Variants in GOSR1 observed in about 807,000 individuals in gnomAD.
GOSR1 encodes golgi SNAP receptor complex member 1.
Under a neutral mutation model 35.5 loss-of-function variants are expected in GOSR1, and 21 were observed. The observed-to-expected ratio is 0.59, with a 90% CI of 0.42 to 0.85. The LOEUF is 0.85. Among genes scored for constraint, GOSR1 ranks in the 40% least tolerant of loss-of-function variants. The probability of loss-of-function intolerance (pLI) is 0.00; values close to 1 mark genes in which losing one functional copy is unlikely to be tolerated. For missense variants in GOSR1, 285 were observed against 309.6 expected, an observed-to-expected ratio of 0.92 and a Z score of 0.60; for synonymous variants, 94 against 106.6, an observed-to-expected ratio of 0.88 and a Z score of 0.73.
chr17:30,520,704 G>A (rs1052250173), intron 8 of GOSR1, among the ~76,000 whole-genome samples: 9 of 152,192 alleles, frequency 5.9e-5, no homozygotes, highest in African/African-American at 2.2e-4. Flanking sequence ...GCCAAAGGGG[G>A]AGGAACCTAG....
intron 6 of GOSR1, among the ~76,000 whole-genome samples, chr17:30,506,664 C>T (rs994147653): frequency 6.6e-6 from 1 of 152,206 alleles, no homozygotes. Flanking sequence ...ATAAAGGTGG[C>T]TCCACTAAGC....
At chr17:30,482,683 A>G (rs547498489) in intron 2 of GOSR1, among the ~76,000 whole-genome samples, 3 of 152,176 alleles carry the variant, frequency 2.0e-5, no homozygotes, top group Non-Finnish European at 4.4e-5. Flanking sequence ...CTATAGCCAA[A>G]TTACTATTTC....
intron 5 of GOSR1, among the ~76,000 whole-genome samples, chr17:30,491,200 C>T (rs1915019611): frequency 6.6e-6 from 1 of 152,116 alleles, no homozygotes; most frequent in African/African-American, 2.4e-5. Context: ...AGGGGATGGT[C>T]TTTAATGTAT....
Position 30,522,401 on chromosome 17 carries a change from G to C in GOSR1, c.*23G>C. The C allele has an allele frequency of 6.5e-7, 1 of 1,533,572 alleles. No homozygotes were observed. The highest frequency in any genetic ancestry group is 8.8e-7 in the Non-Finnish European group (1 of 1,135,802). 95.0% of individuals were successfully genotyped at this position (1,533,572 alleles called of 1,614,324 possible). The stretch of plus-strand genomic sequence containing the variant: ...TGATGGGACATCTTCAGGGACTCTT[G>C]ACAGCCACCGCTTTCACACCCTGGT... On this transcript the variant is annotated 3_prime_UTR_variant, in exon 9 of 9. Coordinates refer to ENST00000451249, the MANE Select transcript of GOSR1 (RefSeq NM_001007025.2).
In GOSR1 at chr17:30,522,405, G is replaced by A. The variant is rs138729753; in HGVS notation, c.*27G>A. On this transcript the variant is annotated 3_prime_UTR_variant, in exon 9 of 9. Transcript: ENST00000451249. ...GGGACATCTTCAGGGACTCTTGACA[G>A]CCACCGCTTTCACACCCTGGTCTGG... 4.3e-4 allele frequency: 656 copies of A among 1,528,762 alleles called. 3 individuals are homozygous for A. In the African/African-American group the frequency reaches 8.4e-3, roughly 19 times the overall value. 94.7% of individuals were successfully genotyped at this position (1,528,762 alleles called of 1,614,324 possible). A position where few individuals can be genotyped will look rare whatever the true frequency, so the allele number is the denominator to read the frequency against.
chr17:30,511,100 A>C (rs1000705617), intron 7 of GOSR1, among the ~76,000 whole-genome samples, 191 bp downstream of exon 7: 1 of 152,234 alleles, frequency 6.6e-6, no homozygotes, highest in Non-Finnish European at 1.5e-5. Flanking sequence ...CACCCAAAGT[A>C]ACATTTCCAT....
At chr17:30,483,047 T>C (rs1914451668) in intron 2 of GOSR1, 1 of 152,190 alleles carries the variant, frequency 6.6e-6, no homozygotes, top group Non-Finnish European at 1.5e-5. Context: ...GTGTCTTGTT[T>C]GATGCCCAGG....
At chr17:30,486,718 A>T (rs929107872) in intron 4 of GOSR1, among the ~76,000 whole-genome samples, 2 of 152,220 alleles carry the variant, frequency 1.3e-5, no homozygotes, top group Admixed American at 1.3e-4. Flanking sequence ...GAAATAAATG[A>T]TAACCTGTTA....
At chr17:30,485,210 A>C in intron 4 of GOSR1, 1 of 197,982 alleles carries the variant, frequency 5.1e-6, no homozygotes, top group South Asian at 8.2e-5. Context: ...AAACTAAATA[A>C]ACTTTTAAAG....
chr17:30,511,780 C>T (rs1234120692), intron 7 of GOSR1, among the ~76,000 whole-genome samples: 1 of 152,162 alleles, frequency 6.6e-6, no homozygotes, highest in Non-Finnish European at 1.5e-5. Context: ...ATCTGTCCAC[C>T]TTGGCCTCCT....
At chr17:30,489,757 G>C (rs1056185976) in intron 4 of GOSR1, among the ~76,000 whole-genome samples, 14 of 152,094 alleles carry the variant, frequency 9.2e-5, no homozygotes, top group Non-Finnish European at 1.6e-4. Context: ...GATGAAATTT[G>C]AAAATAAGCT....
chr17:30,483,973 AT>A (rs1183769536), intron 2 of GOSR1, among the ~76,000 whole-genome samples: 1 of 152,250 alleles, frequency 6.6e-6, no homozygotes, highest in African/African-American at 2.4e-5. Flanking sequence ...TCTGTGGATC[AT>A]TTAAACCTCA....
Position 30,481,301 on chromosome 17 carries a change from T to G in GOSR1, c.146+44T>G, listed in dbSNP as rs760846753. ...TCTGTCTCCTATGCCTTAACTGTGTTTTTAAAGCATTAAAAAATAAACTAA... is the reference window on the plus strand; with the variant it reads ...TCTGTCTCCTATGCCTTAACTGTGTGTTTAAAGCATTAAAAAATAAACTAA... On this transcript the variant is annotated intron_variant, in intron 2 of 8. Transcript: ENST00000451249. The G allele has an allele frequency of 2.8e-6, 4 of 1,428,004 alleles. No individual in the cohort carries two copies. The Admixed American group carries it at 7.9e-5, about 28-fold the overall frequency. The allele number at this position is 1,428,004 out of a possible 1,614,324, so 88.5% of individuals were successfully genotyped here.
Position 30,481,245 on chromosome 17 carries a change from G to A in GOSR1, c.134G>A (p.Gly45Glu). 6.2e-7 allele frequency: 1 copy of A among 1,608,342 alleles called. No homozygotes were observed. Among genetic ancestry groups the A allele is most frequent in the Non-Finnish European group, 8.5e-7 (1 of 1,174,798 alleles). Residue 45 changes from glycine to glutamate, a missense_variant, in exon 2 of 9, where the codon GGA becomes GAA. Physicochemically the swap from Gly to Glu is moderately conservative, Grantham distance 98 (BLOSUM62 -2). Transcript: ENST00000451249. ...TACAGTCATAGCAGTACCCGAGATG[G>A]AAGACGCGACAGGTATAGGTACTAC... Reference protein sequence around the residue: ...TSYSHSSTRDGRRDSSDTTPL... With the variant: ...TSYSHSSTRDERRDSSDTTPL...
rs573622903 is a variant in GOSR1, at chr17:30,487,732, G to T, written c.343-2394G>T. Reference sequence around the variant, plus strand: ...TATAGAAGGCAGTTTAGCACTACCAGAATTTAAATGAATGTGAGATTCTTT... The same window carrying T: ...TATAGAAGGCAGTTTAGCACTACCATAATTTAAATGAATGTGAGATTCTTT... On this transcript the variant is annotated intron_variant, in intron 4 of 8. Transcript: ENST00000451249. Among the ~76,000 whole-genome samples the T allele has an allele frequency of 3.9e-5, 6 of 152,098 alleles. No individual in the cohort carries two copies. The East Asian group carries it at 7.7e-4, about 20-fold the overall frequency.
chr17:30,494,642 CTG>C (rs2143721431), intron 6 of GOSR1, among the ~76,000 whole-genome samples: 1 of 152,060 alleles, frequency 6.6e-6, no homozygotes, highest in African/African-American at 2.4e-5. Flanking sequence ...GAGTCTCACT[CTG>C]TTGCCCAGGC....
chr17:30,516,114 A>G (rs938601713), intron 7 of GOSR1, among the ~76,000 whole-genome samples: 6 of 151,216 alleles, frequency 4.0e-5, no homozygotes, highest in African/African-American at 1.5e-4. Context: ...AGACACTTGT[A>G]TATTGTATAT....
At chr17:30,516,343 G>A (rs944265548) in intron 7 of GOSR1, among the ~76,000 whole-genome samples, 5 of 151,808 alleles carry the variant, frequency 3.3e-5, no homozygotes, top group African/African-American at 7.3e-5. Flanking sequence ...GGTGGCAGGC[G>A]CCTGTAGTCC....
intron 6 of GOSR1, among the ~76,000 whole-genome samples, chr17:30,494,450 C>T (rs1966915960): frequency 6.6e-6 from 1 of 152,142 alleles, no homozygotes; most frequent in South Asian, 2.1e-4. Flanking sequence ...ACTGTTGATA[C>T]ATTCTCATAG....
Sources: allele counts gnomAD v4.1 joint callset (sites outside exome capture counted in the v4.1 genomes callset), GRCh38; gene constraint gnomAD v4.1.1; transcripts MANE v1.5; gene names NCBI Gene and HGNC (gene_info 2026-07-23, HGNC 2026-07-21).